Variants in MAP1LC3B2 observed in about 807,000 individuals in gnomAD.
The protein encoded by MAP1LC3B2 is microtubule-associated protein 1 light chain 3 beta 2.
For synonymous variants in MAP1LC3B2, 62 were observed against 57.8 expected, an observed-to-expected ratio of 1.07 and a Z score of -0.33; for missense variants, 155 against 154.6, an observed-to-expected ratio of 1.00 and a Z score of -0.01.
chr12:116,576,183 C>T lies in MAP1LC3B2; in HGVS notation c.241C>T (p.Leu81=), dbSNP rs1368396607. Residue 81 remains leucine (L), a synonymous_variant, in exon 2 of 2, where the codon CTG becomes TTG. Transcript: ENST00000556529. ...LQLNANQAFF[L]LVNGHSMVSV... ...GCTCAATGCTAATCAGGCCTTCTTC[C>T]TGTTGGTGAACGGACACAGCATGGT... The T allele has an allele frequency of 1.2e-6, 2 of 1,614,078 alleles. No homozygotes were observed. The highest frequency in any genetic ancestry group is 1.7e-5 in the Admixed American group (1 of 60,018).
In MAP1LC3B2 at chr12:116,576,386, T is replaced by C; in HGVS notation, c.*66T>C. 1.3e-6 allele frequency: 2 copies of C among 1,558,352 alleles called. No individual in the cohort carries two copies. The highest frequency in any genetic ancestry group is 1.7e-6 in the Non-Finnish European group (2 of 1,156,320). ...TTACCAAGGAAAAAAAAAGGGATGT[T>C]ACCAACTGAGATCGATCAGTTCATC... On this transcript the variant is annotated 3_prime_UTR_variant, in exon 2 of 2. Transcript: ENST00000556529.
chr12:116,576,428 A>G lies in MAP1LC3B2; in HGVS notation c.*108A>G. 1 of 1,490,254 alleles carries G rather than the reference A, an allele frequency of 6.7e-7. No individual in the cohort carries two copies. Among genetic ancestry groups the G allele is most frequent in the Non-Finnish European group, 9.0e-7 (1 of 1,107,060 alleles). The allele number at this position is 1,490,254 out of a possible 1,614,324, so 92.3% of individuals were successfully genotyped here. A position where few individuals can be genotyped will look rare whatever the true frequency, so the allele number is the denominator to read the frequency against. On this transcript the variant is annotated 3_prime_UTR_variant, in exon 2 of 2. Coordinates refer to ENST00000556529, the MANE Select transcript of MAP1LC3B2 (RefSeq NM_001085481.3). ...CAGTTCATCTAATCACAGATCATCA[A>G]ACAGTAGTGTTCCCACCTAGGAGTG...
intron 1 of MAP1LC3B2, among the ~76,000 whole-genome samples, chr12:116,565,845 A>G (rs780541876): frequency 3.3e-5 from 5 of 152,218 alleles, no homozygotes; most frequent in Non-Finnish European, 7.3e-5. Flanking sequence ...TGGCAGGCAA[A>G]AACAACAGAG....
intron 1 of MAP1LC3B2, among the ~76,000 whole-genome samples, chr12:116,563,335 C>A (rs1018398702): frequency 6.6e-6 from 1 of 152,154 alleles, no homozygotes; most frequent in Non-Finnish European, 1.5e-5. Context: ...GTAAAACATT[C>A]TTTCACCTTC....
intron 1 of MAP1LC3B2, among the ~76,000 whole-genome samples, chr12:116,574,016 A>T (rs929612983): frequency 6.6e-6 from 1 of 152,160 alleles, no homozygotes; most frequent in African/African-American, 2.4e-5. Flanking sequence ...AATGGAACAT[A>T]TGTGTAACAT....
Position 116,575,863 on chromosome 12 carries a change from T to C in MAP1LC3B2, c.-80T>C. The C allele has an allele frequency of 6.4e-7, 1 of 1,562,212 alleles. No homozygotes were observed. Among genetic ancestry groups the C allele is most frequent in the Admixed American group, 1.7e-5 (1 of 58,566 alleles). Reference sequence around the variant, plus strand: ...ATAGCCTTACACGGCCACAGTCGGATTCGCTGCCGCAGCAGCCGCCACCCC... The same window carrying C: ...ATAGCCTTACACGGCCACAGTCGGACTCGCTGCCGCAGCAGCCGCCACCCC... On this transcript the variant is annotated 5_prime_UTR_variant, in exon 2 of 2. Transcript: ENST00000556529.
chr12:116,565,396 C>T (rs146222898), intron 1 of MAP1LC3B2, among the ~76,000 whole-genome samples: 8 of 152,300 alleles, frequency 5.3e-5, no homozygotes, highest in East Asian at 1.9e-4. Context: ...CGAAGCGAAA[C>T]GGATTTCCCC....
intron 1 of MAP1LC3B2, chr12:116,560,220 A>ATGTATG (rs1405205311): frequency 1.2e-4 from 9 of 76,652 alleles, no homozygotes; most frequent in African/African-American, 4.3e-4. Flanking sequence ...ATATATATAT[A>ATGTATG]TATATATATA....
intron 1 of MAP1LC3B2, among the ~76,000 whole-genome samples, chr12:116,562,852 A>G (rs1566023042): frequency 1.3e-5 from 2 of 152,236 alleles, no homozygotes. Flanking sequence ...AAGATACAGA[A>G]GCATTTTATA....
At chr12:116,570,914 G>C (rs531453919) in intron 1 of MAP1LC3B2, among the ~76,000 whole-genome samples, 4 of 152,356 alleles carry the variant, frequency 2.6e-5, no homozygotes, top group Non-Finnish European at 5.9e-5. Flanking sequence ...AACACAGTTT[G>C]TGTGAGTAAC....
chr12:116,560,188 C>CCATATATATATATATA (rs1491120344), intron 1 of MAP1LC3B2: 9 of 88,442 alleles, frequency 1.0e-4, no homozygotes, highest in South Asian at 3.6e-4. Flanking sequence ...CTAAGTTTGG[C>CCATATATATATATATA]TATATATATA....
intron 1 of MAP1LC3B2, 47 bp downstream of exon 1, chr12:116,559,480 C>T (rs183092088): frequency 6.6e-6 from 1 of 152,404 alleles, no homozygotes; most frequent in African/African-American, 2.4e-5. Context: ...AAATCATGAC[C>T]TTTGAGAAGC....
chr12:116,566,601 CTG>C (rs1296090436), intron 1 of MAP1LC3B2, among the ~76,000 whole-genome samples: 1 of 126,134 alleles, frequency 7.9e-6, no homozygotes, highest in East Asian at 2.4e-4. Flanking sequence ...GTACGTGGAA[CTG>C]TGAGTCAGTG....
intron 1 of MAP1LC3B2, among the ~76,000 whole-genome samples, chr12:116,569,355 A>G (rs749232018): frequency 2.0e-5 from 3 of 152,102 alleles, no homozygotes; most frequent in Non-Finnish European, 4.4e-5. Flanking sequence ...TCCTGTCTCT[A>G]TGTGGTCTTT....
Position 116,576,212 on chromosome 12 carries a change from C to A in MAP1LC3B2, c.270C>A (p.Ser90Arg). Residue 90 changes from serine to arginine, a missense_variant, in exon 2 of 2, where the codon AGC becomes AGA. Transcript: ENST00000556529. ...TGGTGAACGGACACAGCATGGTCAG[C>A]GTCTCCACACCAATCTCAGAGGTGT... ...FLLVNGHSMV[S>R]VSTPISEVYE... 1.2e-6 allele frequency: 2 copies of A among 1,614,056 alleles called. No homozygotes were observed. Among genetic ancestry groups the A allele is most frequent in the South Asian group, 2.2e-5 (2 of 91,068 alleles).
At chr12:116,571,783 G>A (rs1869542366) in intron 1 of MAP1LC3B2, among the ~76,000 whole-genome samples, 2 of 151,894 alleles carry the variant, frequency 1.3e-5, no homozygotes, top group South Asian at 4.2e-4. Flanking sequence ...GCCCGGCCAC[G>A]GACTGCTATT....
intron 1 of MAP1LC3B2, among the ~76,000 whole-genome samples, chr12:116,564,230 T>C (rs562763703): frequency 1.1e-3 from 164 of 152,352 alleles, no homozygotes; most frequent in African/African-American, 3.9e-3. Context: ...TTGACTGGTA[T>C]TTTTCATGAT....
In MAP1LC3B2 at chr12:116,569,814, G is replaced by A. The variant is rs148152367; in HGVS notation, c.-101-6028G>A. 1.9e-3 allele frequency among the ~76,000 whole-genome samples: 292 copies of A among 152,282 alleles called. 1 individual carries two copies. Among genetic ancestry groups the A allele is most frequent in the African/African-American group, 6.6e-3 (276 of 41,554 alleles). ...CTCGCTCCTGTAATCCCAGCACTCT[G>A]GCAGGCCTAGGTGGGCAGATCACAA... On this transcript the variant is annotated intron_variant, in intron 1 of 1. Transcript: ENST00000556529.
chr12:116,565,507 C>T (rs1379053225), intron 1 of MAP1LC3B2, among the ~76,000 whole-genome samples: 5 of 152,218 alleles, frequency 3.3e-5, no homozygotes, highest in African/African-American at 4.8e-5. Flanking sequence ...CTGGGTCCCT[C>T]CCACAACATG....
Sources: allele counts gnomAD v4.1 joint callset (sites outside exome capture counted in the v4.1 genomes callset), GRCh38; gene constraint gnomAD v4.1.1; transcripts MANE v1.5; gene names NCBI Gene and HGNC (gene_info 2026-07-23, HGNC 2026-07-21).